The following DLGAP2 variants were observed in gnomAD, a reference collection of about 807,000 sequenced individuals.
The protein encoded by DLGAP2 is disks large-associated protein 2.
DLGAP2 carries 26 observed loss-of-function variants against 100.3 expected under a neutral mutation model. That is an observed-to-expected ratio of 0.26 (90% CI 0.19 to 0.36). The LOEUF is 0.36. Among genes scored for constraint, DLGAP2 ranks in the 10% least tolerant of loss-of-function variants. DLGAP2 has a pLI of 1.00. For synonymous variants in DLGAP2, 886 were observed against 630.1 expected (o/e 1.41, Z -6.08); for missense variants, 1,858 against 1,453.2 (o/e 1.28, Z -4.53).
chr8:814,307 T>G (rs1000372438), intron 1 of DLGAP2, among the ~76,000 whole-genome samples: 1 of 152,232 alleles, frequency 6.6e-6, no homozygotes, highest in African/African-American at 2.4e-5. Flanking sequence ...GATGCCATGT[T>G]TGCAACACTA....
intron 3 of DLGAP2, among the ~76,000 whole-genome samples, chr8:1,368,317 G>A (rs945800219): frequency 6.6e-6 from 1 of 151,722 alleles, no homozygotes; most frequent in Non-Finnish European, 1.5e-5. Flanking sequence ...GTGCATAGCT[G>A]TGTGTGTGCA....
intron 2 of DLGAP2, among the ~76,000 whole-genome samples, chr8:1,244,973 C>T (rs7822208): frequency 0.11 from 16,267 of 152,194 alleles, 1,011 homozygotes; most frequent in South Asian, 0.16. Context: ...AGGCAATTCA[C>T]CCACAGAAGG....
chr8:1,322,653 A>G (rs1386927273), intron 3 of DLGAP2, among the ~76,000 whole-genome samples: 1 of 152,194 alleles, frequency 6.6e-6, no homozygotes, highest in Non-Finnish European at 1.5e-5. Flanking sequence ...TTCCATGGAA[A>G]TGCATGCACC....
intron 2 of DLGAP2, among the ~76,000 whole-genome samples, chr8:1,093,207 A>C (rs1391007354): frequency 6.6e-6 from 1 of 152,104 alleles, no homozygotes; most frequent in Non-Finnish European, 1.5e-5. Flanking sequence ...ATCCCTTCTA[A>C]AAAACACCTT....
intron 3 of DLGAP2, among the ~76,000 whole-genome samples, chr8:1,281,702 G>A (rs185594185): frequency 2.0e-5 from 3 of 152,200 alleles, no homozygotes; most frequent in Non-Finnish European, 4.4e-5. Context: ...CCCTAAGGAG[G>A]AGCTGACCAG....
intron 3 of DLGAP2, among the ~76,000 whole-genome samples, chr8:1,347,862 C>T (rs1184930896): frequency 6.6e-6 from 1 of 151,484 alleles, no homozygotes; most frequent in Non-Finnish European, 1.5e-5. Context: ...TACAGAGCTA[C>T]ATTGCACTCA....
chr8:781,274 T>G (rs1821679687), intron 1 of DLGAP2, among the ~76,000 whole-genome samples: 1 of 152,212 alleles, frequency 6.6e-6, no homozygotes, highest in African/African-American at 2.4e-5. Context: ...GTTGAAAATT[T>G]TTGCTTATGT....
intron 6 of DLGAP2, among the ~76,000 whole-genome samples, chr8:1,580,553 G>GTCA (rs764675644): frequency 1.0e-3 from 156 of 152,354 alleles, no homozygotes; most frequent in Non-Finnish European, 1.4e-3. Flanking sequence ...GAGCAGAACA[G>GTCA]AAGAAACGTG....
At chr8:1,235,460 T>A (rs1359773774) in intron 2 of DLGAP2, among the ~76,000 whole-genome samples, 1 of 151,686 alleles carries the variant, frequency 6.6e-6, no homozygotes, top group Non-Finnish European at 1.5e-5. Context: ...TAGTTCCCTC[T>A]CACATGTTGC....
At chr8:1,324,295 C>A (rs1319582733) in intron 3 of DLGAP2, among the ~76,000 whole-genome samples, 2 of 152,214 alleles carry the variant, frequency 1.3e-5, no homozygotes, top group African/African-American at 4.8e-5. Flanking sequence ...GAGCTCCAGG[C>A]CATTTTGTCC....
At chr8:1,090,102 G>T (rs1316697315) in intron 2 of DLGAP2, among the ~76,000 whole-genome samples, 11 of 141,736 alleles carry the variant, frequency 7.8e-5, no homozygotes, top group East Asian at 2.3e-4. Flanking sequence ...GCAGACAGGG[G>T]TGGAAACTCA....
chr8:860,845 A>G (rs1171038475), intron 1 of DLGAP2, among the ~76,000 whole-genome samples: 1 of 152,146 alleles, frequency 6.6e-6, no homozygotes, highest in African/African-American at 2.4e-5. Context: ...TCATGCCGTA[A>G]TATCATACCA....
At chr8:1,020,131 A>G (rs1478524169) in intron 2 of DLGAP2, among the ~76,000 whole-genome samples, 1 of 152,248 alleles carries the variant, frequency 6.6e-6, no homozygotes, top group Non-Finnish European at 1.5e-5. Flanking sequence ...ACAATTATTC[A>G]AGTATCCATA....
chr8:1,021,468 T>C (rs553998196), intron 2 of DLGAP2, among the ~76,000 whole-genome samples: 1 of 152,350 alleles, frequency 6.6e-6, no homozygotes, highest in African/African-American at 2.4e-5. Flanking sequence ...ATTAGCCATG[T>C]TGAGCTCAGC....
intron 1 of DLGAP2, among the ~76,000 whole-genome samples, chr8:842,223 T>C (rs1286201500): frequency 6.6e-6 from 1 of 152,222 alleles, no homozygotes; most frequent in Non-Finnish European, 1.5e-5. Flanking sequence ...GTTTGTTGTC[T>C]AGAACTTTCT....
At chr8:1,364,620 G>T (rs1402699734) in intron 3 of DLGAP2, among the ~76,000 whole-genome samples, 1 of 152,256 alleles carries the variant, frequency 6.6e-6, no homozygotes, top group Non-Finnish European at 1.5e-5. Context: ...CTCTTCAGTG[G>T]TTCTGTCAGT....
intron 1 of DLGAP2, among the ~76,000 whole-genome samples, chr8:868,838 C>T (rs978641203): frequency 2.8e-4 from 42 of 152,290 alleles, no homozygotes; most frequent in African/African-American, 8.2e-4. Flanking sequence ...GCAGGCTGGA[C>T]GCGTCAGGCA....
At chr8:951,151 C>A (rs11778750) in intron 2 of DLGAP2, among the ~76,000 whole-genome samples, 59,854 of 152,034 alleles carry the variant, frequency 0.39, 12,206 homozygotes, top group Admixed American at 0.54. Flanking sequence ...CATTATTTAT[C>A]ATATTCCATT....
Position 1,519,914 on chromosome 8 carries a change from C to G in DLGAP2, c.172+18483C>G, listed in dbSNP as rs118006819. Among the ~76,000 whole-genome samples the G allele has an allele frequency of 4.0e-3, 602 of 152,316 alleles. 2 individuals carry two copies. Among genetic ancestry groups the G allele is most frequent in the Admixed American group, 6.3e-3 (96 of 15,302 alleles). ...GGGATCCTAGACCAAAGGGGCGTGGCTGGGTTTGGGTCTATCCTCCCACAC... is the reference window on the plus strand; with the variant it reads ...GGGATCCTAGACCAAAGGGGCGTGGGTGGGTTTGGGTCTATCCTCCCACAC... On this transcript the variant is annotated intron_variant, in intron 4 of 14. Coordinates refer to ENST00000637795, the MANE Select transcript of DLGAP2 (RefSeq NM_001346810.2).
Sources: gnomAD v4.1 joint callset for allele counts (sites outside exome capture counted in the v4.1 genomes callset) on GRCh38, gnomAD v4.1.1 for gene constraint, MANE v1.5 for transcripts, NCBI Gene and HGNC (gene_info 2026-07-23, HGNC 2026-07-21) for gene names.